Variants in PLEKHA5 observed in about 807,000 individuals in gnomAD.
PLEKHA5 encodes the protein pleckstrin homology domain containing A5.
PLEKHA5 carries 55 observed loss-of-function variants against 181.9 expected under a neutral mutation model. The observed-to-expected ratio is 0.30, with a 90% CI of 0.24 to 0.38. The LOEUF (loss-of-function observed/expected upper bound fraction) is 0.38, where lower values mean the gene tolerates loss of function less well. PLEKHA5 is among the 10% of genes least tolerant of loss of function. The probability of loss-of-function intolerance (pLI) is 1.00; values close to 1 mark genes in which losing one functional copy is unlikely to be tolerated. For synonymous variants in PLEKHA5, 535 were observed against 529.4 expected (o/e 1.01, Z -0.15); for missense variants, 1,432 against 1,549.5 (o/e 0.92, Z 1.27).
At chr12:19,196,247 TTAAC>T (rs1288030338) in intron 3 of PLEKHA5, among the ~76,000 whole-genome samples, 6 of 152,318 alleles carry the variant, frequency 3.9e-5, no homozygotes, top group African/African-American at 1.4e-4. Context: ...TTTTTAAGGA[TTAAC>T]TATTTCAATC....
At chr12:19,298,998 C>T (rs2080720363) in intron 15 of PLEKHA5, among the ~76,000 whole-genome samples, 1 of 152,180 alleles carries the variant, frequency 6.6e-6, no homozygotes, top group Non-Finnish European at 1.5e-5. Flanking sequence ...CACAGTCTGG[C>T]TGACTGATGA....
intron 3 of PLEKHA5, among the ~76,000 whole-genome samples, chr12:19,137,424 C>G (rs1233683438): frequency 6.6e-6 from 1 of 152,124 alleles, no homozygotes; most frequent in Non-Finnish European, 1.5e-5. Context: ...TATTTCTTTT[C>G]CATATTTATA....
intron 3 of PLEKHA5, among the ~76,000 whole-genome samples, chr12:19,143,693 G>A (rs1210328463): frequency 6.6e-6 from 1 of 151,970 alleles, no homozygotes; most frequent in African/African-American, 2.4e-5. Flanking sequence ...CACATTGACA[G>A]TTAATATGTA....
At chr12:19,165,438 T>G (rs76487501) in intron 3 of PLEKHA5, among the ~76,000 whole-genome samples, 14,663 of 148,802 alleles carry the variant, frequency 0.099, 844 homozygotes, top group Admixed American at 0.19. Flanking sequence ...GTGTACTCTA[T>G]TTTTTTTTTT....
intron 20 of PLEKHA5, among the ~76,000 whole-genome samples, chr12:19,326,301 C>A (rs998198662): frequency 6.6e-6 from 1 of 152,126 alleles, no homozygotes; most frequent in African/African-American, 2.4e-5. Context: ...TCATACTGGG[C>A]ATATGGTTGG....
chr12:19,331,859 CAGA>C (rs2092875015), intron 20 of PLEKHA5, among the ~76,000 whole-genome samples: 1 of 151,886 alleles, frequency 6.6e-6, no homozygotes. Flanking sequence ...CTCAAGTTTA[CAGA>C]AGATTAAAAA....
chr12:19,131,729 A>G (rs768493324), intron 2 of PLEKHA5, among the ~76,000 whole-genome samples: 1 of 150,982 alleles, frequency 6.6e-6, no homozygotes, highest in Non-Finnish European at 1.5e-5. Flanking sequence ...TTGTACACAC[A>G]TCGGTTGTTT....
At chr12:19,178,947 A>C (rs1010335063) in intron 3 of PLEKHA5, among the ~76,000 whole-genome samples, 1 of 152,326 alleles carries the variant, frequency 6.6e-6, no homozygotes, top group East Asian at 1.9e-4. Flanking sequence ...TGTATGTCCT[A>C]GTTGGTTTAT....
chr12:19,150,194 G>A (rs892292167), intron 3 of PLEKHA5: 2 of 152,134 alleles, frequency 1.3e-5, no homozygotes, highest in African/African-American at 2.4e-5. Context: ...TATTAAAACT[G>A]TTAATTCCTA....
intron 3 of PLEKHA5, among the ~76,000 whole-genome samples, chr12:19,196,435 C>G (rs1388166316): frequency 6.6e-6 from 1 of 152,030 alleles, no homozygotes; most frequent in East Asian, 1.9e-4. Context: ...AACATAATTC[C>G]TGGTGTTATA....
At chr12:19,190,547 A>T (rs559011251) in intron 3 of PLEKHA5, among the ~76,000 whole-genome samples, 2 of 152,346 alleles carry the variant, frequency 1.3e-5, no homozygotes, top group East Asian at 3.9e-4. Context: ...TCTTAGTAGG[A>T]AATATAGTTA....
chr12:19,215,727 A>G (rs762751189), intron 3 of PLEKHA5, among the ~76,000 whole-genome samples: 1 of 152,206 alleles, frequency 6.6e-6, no homozygotes, highest in African/African-American at 2.4e-5. Context: ...AACAAGAGCT[A>G]TAATAGGCAC....
chr12:19,214,821 C>T (rs1406418051), intron 3 of PLEKHA5, among the ~76,000 whole-genome samples: 1 of 151,936 alleles, frequency 6.6e-6, no homozygotes, highest in Non-Finnish European at 1.5e-5. Flanking sequence ...TTCATCACAT[C>T]ATTCAATCTG....
At chr12:19,355,463 C>G (rs962567877) in intron 26 of PLEKHA5, among the ~76,000 whole-genome samples, 3 of 150,612 alleles carry the variant, frequency 2.0e-5, no homozygotes, top group Non-Finnish European at 4.4e-5. Flanking sequence ...GGGATCCTCT[C>G]ACCCCAGCCT....
chr12:19,371,826 CAGT>C (rs1347573403), intron 31 of PLEKHA5: 1 of 152,166 alleles, frequency 6.6e-6, no homozygotes, highest in African/African-American at 2.4e-5. Flanking sequence ...GGTCGATACT[CAGT>C]AGTGGGATTG....
intron 21 of PLEKHA5, among the ~76,000 whole-genome samples, 188 bp from the exon 22 acceptor site, chr12:19,343,135 T>C (rs373745726): frequency 2.0e-5 from 3 of 152,190 alleles, no homozygotes; most frequent in South Asian, 4.1e-4. Context: ...CTTGCTCTGC[T>C]CAGTCTTTTA....
intron 3 of PLEKHA5, among the ~76,000 whole-genome samples, chr12:19,133,813 T>TA (rs1178649323): frequency 2.0e-5 from 3 of 151,954 alleles, no homozygotes; most frequent in African/African-American, 7.2e-5. Context: ...TTAGATGGCC[T>TA]AAAAAAATAC....
chr12:19,287,202 C>A (rs564455879), intron 12 of PLEKHA5, among the ~76,000 whole-genome samples: 1 of 152,150 alleles, frequency 6.6e-6, no homozygotes, highest in East Asian at 2.0e-4. Flanking sequence ...CAGGGTTTCA[C>A]CATGTTGGCT....
intron 30 of PLEKHA5, among the ~76,000 whole-genome samples, chr12:19,366,973 A>G (rs2095439934): frequency 1.3e-5 from 2 of 151,736 alleles, no homozygotes. Flanking sequence ...GCTGGAGTGC[A>G]GTGGCGCTAT....
Sources: allele counts gnomAD v4.1 joint callset (sites outside exome capture counted in the v4.1 genomes callset), GRCh38; gene constraint gnomAD v4.1.1; transcripts MANE v1.5; gene names NCBI Gene and HGNC (gene_info 2026-07-23, HGNC 2026-07-21).